Variants in GLIS3 observed in about 807,000 individuals in gnomAD.
GLIS3 encodes GLIS family zinc finger 3.
In GLIS3, 53 loss-of-function variants were observed where a neutral mutation model predicts 78.6. The ratio of observed to expected loss-of-function variants is 0.67; its 90% CI spans 0.54 to 0.85. The LOEUF (loss-of-function observed/expected upper bound fraction) is 0.85, where lower values mean the gene tolerates loss of function less well. Ranked by LOEUF, GLIS3 falls within the 40% of genes least tolerant of loss-of-function variation. GLIS3 has a pLI of 0.00. For synonymous variants in GLIS3, 684 were observed against 509.9 expected (o/e 1.34, Z -4.60); for missense variants, 1,703 against 1,231.1 (o/e 1.38, Z -5.74).
At chr9:3,882,097 G>T (rs767398400) in intron 7 of GLIS3, among the ~76,000 whole-genome samples, 21 of 152,112 alleles carry the variant, frequency 1.4e-4, no homozygotes, top group Non-Finnish European at 2.9e-4. Context: ...TATGTATAGG[G>T]TACCTATCAT....
chr9:4,152,106 A>T (rs1295573725), intron 2 of GLIS3: 1 of 980,644 alleles, frequency 1.0e-6, no homozygotes, highest in Admixed American at 6.2e-5. Context: ...TTCTACGGCC[A>T]TTCAAACCTC....
intron 4 of GLIS3, among the ~76,000 whole-genome samples, chr9:3,945,678 TTAAAA>T (rs1272098226): frequency 6.6e-6 from 1 of 152,172 alleles, no homozygotes; most frequent in South Asian, 2.1e-4. Flanking sequence ...TATTTTTGTA[TTAAAA>T]TAAAAAAGTC....
chr9:3,871,246 T>A (rs1820950706), intron 8 of GLIS3, among the ~76,000 whole-genome samples: 1 of 152,046 alleles, frequency 6.6e-6, no homozygotes, highest in African/African-American at 2.4e-5. Context: ...GTTGCTTTCA[T>A]GGGCTGGCAT....
chr9:4,273,590 C>A (rs909154408), intron 2 of GLIS3, among the ~76,000 whole-genome samples: 2 of 143,992 alleles, frequency 1.4e-5, no homozygotes, highest in Non-Finnish European at 3.0e-5. Flanking sequence ...AAGACCTTAT[C>A]ATAAATAAAT....
intron 2 of GLIS3, among the ~76,000 whole-genome samples, chr9:4,338,409 C>CA (rs1554659912): frequency 3.0e-4 from 45 of 151,012 alleles, no homozygotes; most frequent in African/African-American, 1.1e-3. Flanking sequence ...CACACACACA[C>CA]AATTTTTTAA....
chr9:3,928,375 G>A (rs750084220), intron 6 of GLIS3, among the ~76,000 whole-genome samples: 12 of 152,230 alleles, frequency 7.9e-5, no homozygotes, highest in Non-Finnish European at 1.6e-4. Flanking sequence ...TACACCATCT[G>A]CCGTCTAGAC....
intron 4 of GLIS3, among the ~76,000 whole-genome samples, chr9:4,062,063 T>C (rs1228786047): frequency 6.6e-6 from 1 of 152,192 alleles, no homozygotes; most frequent in Admixed American, 6.5e-5. Context: ...CACAATTTCA[T>C]TACCACAATA....
chr9:4,292,314 T>A (rs1278237821), intron 1 of GLIS3, among the ~76,000 whole-genome samples: 3 of 152,156 alleles, frequency 2.0e-5, no homozygotes, highest in African/African-American at 7.2e-5. Flanking sequence ...GAACTATTGG[T>A]TTTACTTCAC....
At chr9:3,844,475 T>C (rs1818918521) in intron 9 of GLIS3, among the ~76,000 whole-genome samples, 3 of 152,180 alleles carry the variant, frequency 2.0e-5, no homozygotes, top group African/African-American at 7.2e-5. Context: ...GTTTCAGGTA[T>C]AAGAACATTT....
intron 2 of GLIS3, among the ~76,000 whole-genome samples, chr9:4,208,832 A>T (rs1317163521): frequency 6.6e-6 from 1 of 152,160 alleles, no homozygotes; most frequent in Middle Eastern, 3.2e-3. Flanking sequence ...CCAGTGACCA[A>T]CACCTTGTGT....
chr9:4,065,416 T>C (rs1164290177), intron 4 of GLIS3, among the ~76,000 whole-genome samples: 3 of 152,256 alleles, frequency 2.0e-5, no homozygotes, highest in African/African-American at 7.2e-5. Flanking sequence ...TTTACCTCTT[T>C]TGAGTCTTTT....
intron 4 of GLIS3, among the ~76,000 whole-genome samples, chr9:4,013,167 G>C (rs1447801802): frequency 6.6e-6 from 1 of 152,018 alleles, no homozygotes; most frequent in African/African-American, 2.4e-5. Flanking sequence ...GGGTTCTCTG[G>C]TGGCCCGTGA....
At chr9:4,176,293 T>G (rs1816808528) in intron 2 of GLIS3, among the ~76,000 whole-genome samples, 1 of 152,196 alleles carries the variant, frequency 6.6e-6, no homozygotes. Context: ...TAACAACGAT[T>G]TGTAATGTAA....
intron 6 of GLIS3, among the ~76,000 whole-genome samples, chr9:3,918,928 C>T (rs1824692814): frequency 6.6e-6 from 1 of 152,150 alleles, no homozygotes. Flanking sequence ...GCTTATAAGA[C>T]CCCGGGAAGA....
the GLIS3 span, among the ~76,000 whole-genome samples, chr9:4,385,981 T>C: frequency 0.7 from 106,530 of 152,028 alleles, 39,110 homozygotes; most frequent in Non-Finnish European, 0.82. Context: ...AAGAAATATA[T>C]TGAGATCCCT....
At chr9:3,951,877 C>CACACAT (rs1335724115) in intron 4 of GLIS3, among the ~76,000 whole-genome samples, 4 of 150,744 alleles carry the variant, frequency 2.7e-5, no homozygotes, top group Middle Eastern at 3.4e-3. Flanking sequence ...CACACACACA[C>CACACAT]ACACACACGC....
the GLIS3 span, among the ~76,000 whole-genome samples, chr9:4,394,525 T>C: frequency 6.6e-6 from 1 of 152,134 alleles, no homozygotes; most frequent in Non-Finnish European, 1.5e-5. Flanking sequence ...TGTCAAGCTT[T>C]AATTTGGTGA....
intron 2 of GLIS3, among the ~76,000 whole-genome samples, chr9:4,236,346 A>C (rs1822752568): frequency 6.6e-6 from 1 of 152,168 alleles, no homozygotes; most frequent in Non-Finnish European, 1.5e-5. Context: ...TCACTTATTA[A>C]AGTTGTGAGT....
chr9:4,373,956 G>A, the GLIS3 span, among the ~76,000 whole-genome samples: 24 of 152,030 alleles, frequency 1.6e-4, no homozygotes, highest in Admixed American at 1.4e-3. Context: ...GTGAGCCACC[G>A]CGCCTGGCCG....
Sources: gnomAD v4.1 joint callset for allele counts (sites outside exome capture counted in the v4.1 genomes callset) on GRCh38, gnomAD v4.1.1 for gene constraint, MANE v1.5 for transcripts, NCBI Gene and HGNC (gene_info 2026-07-23, HGNC 2026-07-21) for gene names.